Variants in TAOK3 observed in about 807,000 individuals in gnomAD.
TAOK3 encodes the protein serine/threonine-protein kinase TAO3.
A neutral mutation model predicts 120.4 loss-of-function variants in TAOK3; 40 were observed. That is an observed-to-expected ratio of 0.33 (90% CI 0.26 to 0.43). The LOEUF (loss-of-function observed/expected upper bound fraction) is 0.43. TAOK3 is among the 20% of genes least tolerant of loss of function. TAOK3 has a pLI of 1.00. For synonymous variants in TAOK3, 355 were observed against 387.5 expected (o/e 0.92, Z 0.99); for missense variants, 821 against 1,112.1 (o/e 0.74, Z 3.72).
At position 118,214,115 on chromosome 12, in the gene TAOK3, A is replaced by C; in HGVS notation, c.644-5T>G. ...AAAGGGGCGGCTTCCGTTCCGCTGG[A>C]AGAGGAAAGAAACACAATAAAGTAG... On this transcript the variant is annotated splice_region_variant and splice_polypyrimidine_tract_variant and intron_variant, in intron 9 of 20. Coordinates refer to ENST00000392533, the MANE Select transcript of TAOK3 (RefSeq NM_016281.4). The C allele has an allele frequency of 6.2e-7, 1 of 1,605,742 alleles. No homozygotes were observed.
At position 118,300,994 on chromosome 12, in the gene TAOK3, T is replaced by G. The variant is rs1243394793; in HGVS notation, c.-193-34235A>C. ...TTTCACCATGTTGGCCAGGCTGATC[T>G]TGAACTCCTGACCTCAAATGATCTG... On this transcript the variant is annotated intron_variant, in intron 1 of 20. Coordinates refer to ENST00000392533, the MANE Select transcript of TAOK3 (RefSeq NM_016281.4). Among the ~76,000 whole-genome samples the G allele has an allele frequency of 2.0e-5, 3 of 152,156 alleles. No individual in the cohort carries two copies. The East Asian group carries it at 5.8e-4, about 29-fold the overall frequency.
intron 17 of TAOK3, among the ~76,000 whole-genome samples, chr12:118,167,763 G>C (rs538830146): frequency 8.6e-5 from 13 of 150,996 alleles, no homozygotes; most frequent in Non-Finnish European, 1.3e-4. Context: ...ACCCAATCAA[G>C]TTATATCTCT....
chr12:118,361,322 T>G (rs1479657107), intron 1 of TAOK3, among the ~76,000 whole-genome samples: 1 of 152,226 alleles, frequency 6.6e-6, no homozygotes, highest in Non-Finnish European at 1.5e-5. Context: ...GTAGTAGGAA[T>G]GGCTTTCATT....
At chr12:118,213,623 A>T (rs893137815) in intron 10 of TAOK3, among the ~76,000 whole-genome samples, 19 of 147,558 alleles carry the variant, frequency 1.3e-4, no homozygotes, top group South Asian at 2.1e-4. Flanking sequence ...ATATAGTTTA[A>T]AAAAAAAAAA....
intron 1 of TAOK3, among the ~76,000 whole-genome samples, chr12:118,353,821 C>T (rs968404705): frequency 1.3e-5 from 2 of 152,052 alleles, no homozygotes; most frequent in African/African-American, 4.8e-5. Flanking sequence ...CAGATTAACA[C>T]CCTGAAATTT....
intron 15 of TAOK3, among the ~76,000 whole-genome samples, chr12:118,179,986 C>G (rs139099021): frequency 0.015 from 1,841 of 125,010 alleles, 41 homozygotes; most frequent in African/African-American, 0.052. Context: ...TCGCTCTTGT[C>G]ACCCAGGCTG....
At chr12:118,278,191 T>G (rs2041970705) in intron 1 of TAOK3, among the ~76,000 whole-genome samples, 1 of 152,194 alleles carries the variant, frequency 6.6e-6, no homozygotes. Context: ...GCAGGTTTGT[T>G]ATATAGGTAC....
At chr12:118,194,988 C>A (rs934223470) in intron 13 of TAOK3, among the ~76,000 whole-genome samples, 15 of 152,238 alleles carry the variant, frequency 9.9e-5, no homozygotes, top group African/African-American at 1.9e-4. Flanking sequence ...AACTCTTGAT[C>A]CACCCGCCTT....
At chr12:118,233,239 C>A (rs2039862784) in intron 9 of TAOK3, among the ~76,000 whole-genome samples, 1 of 115,628 alleles carries the variant, frequency 8.6e-6, no homozygotes. Flanking sequence ...ACATCACAAT[C>A]CGGGGCCTGT....
At chr12:118,299,389 C>A (rs1019600123) in intron 1 of TAOK3, among the ~76,000 whole-genome samples, 1 of 152,054 alleles carries the variant, frequency 6.6e-6, no homozygotes, top group African/African-American at 2.4e-5. Flanking sequence ...ATAAATTATA[C>A]CCTTTGAAGG....
chr12:118,191,416 A>C (rs2037423841), intron 13 of TAOK3, among the ~76,000 whole-genome samples: 1 of 152,230 alleles, frequency 6.6e-6, no homozygotes, highest in Admixed American at 6.5e-5. Context: ...GCTGTCCAGC[A>C]AGATAGTGAC....
intron 15 of TAOK3, among the ~76,000 whole-genome samples, chr12:118,178,377 A>G (rs981419052): frequency 1.3e-5 from 2 of 152,238 alleles, no homozygotes; most frequent in African/African-American, 4.8e-5. Context: ...TCCAAGAATC[A>G]AACTCTAACT....
At chr12:118,198,085 C>G (rs2037823744) in intron 13 of TAOK3, among the ~76,000 whole-genome samples, 1 of 152,140 alleles carries the variant, frequency 6.6e-6, no homozygotes, top group Non-Finnish European at 1.5e-5. Flanking sequence ...CAAATTGCTT[C>G]CATGTCTTCC....
At chr12:118,285,527 A>G (rs2042237431) in intron 1 of TAOK3, among the ~76,000 whole-genome samples, 1 of 151,250 alleles carries the variant, frequency 6.6e-6, no homozygotes, top group South Asian at 2.1e-4. Context: ...TAATTTTTCT[A>G]TTTTTAGTAG....
At chr12:118,295,043 G>A (rs910590488) in intron 1 of TAOK3, among the ~76,000 whole-genome samples, 1 of 151,072 alleles carries the variant, frequency 6.6e-6, no homozygotes, top group African/African-American at 2.4e-5. Context: ...ATAGGAATTT[G>A]GGAATGGTCA....
chr12:118,271,744 T>C (rs1306471773), intron 1 of TAOK3, among the ~76,000 whole-genome samples: 2 of 152,216 alleles, frequency 1.3e-5, no homozygotes, highest in Non-Finnish European at 2.9e-5. Context: ...TCCATAAAAA[T>C]CTGATGAAAT....
chr12:118,255,417 A>T, intron 3 of TAOK3, 31 bp downstream of exon 3: 1 of 1,611,748 alleles, frequency 6.2e-7, no homozygotes, highest in South Asian at 1.1e-5. Flanking sequence ...TCTTAATCTG[A>T]TCTATCTAAA....
chr12:118,320,437 A>G (rs1382437289), intron 1 of TAOK3, among the ~76,000 whole-genome samples: 1 of 152,164 alleles, frequency 6.6e-6, no homozygotes, highest in Non-Finnish European at 1.5e-5. Context: ...TAAAAAAAAA[A>G]AGTATATAAT....
chr12:118,349,567 CAG>C (rs1390124309), intron 1 of TAOK3, among the ~76,000 whole-genome samples: 2 of 150,132 alleles, frequency 1.3e-5, no homozygotes, highest in Non-Finnish European at 2.9e-5. Context: ...TCCATAGAGA[CAG>C]AAAGTAAATT....
Sources: gnomAD v4.1 joint callset for allele counts (sites outside exome capture counted in the v4.1 genomes callset) on GRCh38, gnomAD v4.1.1 for gene constraint, MANE v1.5 for transcripts, NCBI Gene and HGNC (gene_info 2026-07-23, HGNC 2026-07-21) for gene names.